Variants in DENND4A observed in about 807,000 individuals in gnomAD.
The protein encoded by DENND4A is DENN domain containing 4A.
DENND4A carries 70 observed loss-of-function variants against 199.3 expected under a neutral mutation model. That is an observed-to-expected ratio of 0.35 (90% confidence interval 0.29 to 0.43). The LOEUF (loss-of-function observed/expected upper bound fraction) is 0.43, where lower values mean the gene tolerates loss of function less well. Ranked by LOEUF, DENND4A falls within the 20% of genes least tolerant of loss-of-function variation. DENND4A has a pLI of 1.00. For synonymous variants in DENND4A, 686 were observed against 766.9 expected (o/e 0.89, Z 1.74); for missense variants, 1,723 against 2,255.8 (o/e 0.76, Z 4.78).
At position 65,691,230 on chromosome 15, in the gene DENND4A, T is replaced by C. The variant is rs368421961; in HGVS notation, c.3364A>G (p.Asn1122Asp). 79 of 1,613,260 alleles carry C rather than the reference T, an allele frequency of 4.9e-5. No homozygotes were observed. The highest frequency in any genetic ancestry group is 6.5e-5 in the Non-Finnish European group (77 of 1,179,640). ...GGTGGCTTCCCAATATCAAGAGTAT[T>C]TGGTCTCGTGCTTTTTGAGATAACA... ...SNVISKSTRP[N>D]TLDIGKPPLR... The change falls in exon 23 of 33, where the codon AAT becomes GAT. Residue 1122 changes from asparagine (N) to aspartate (D), a missense_variant. This residue lies in a region of DENND4A where 650 missense variants were observed against 738.1 expected (regional missense o/e 0.88). Transcript: ENST00000443035.
chr15:65,688,493 C>T (rs1340915705), intron 23 of DENND4A, among the ~76,000 whole-genome samples: 1 of 152,188 alleles, frequency 6.6e-6, no homozygotes, highest in Non-Finnish European at 1.5e-5. Flanking sequence ...GCTCTTGTTT[C>T]AGCAGGCAAA....
chr15:65,715,634 A>T lies in DENND4A; in HGVS notation c.1808-11T>A, dbSNP rs28687655. ...GGCTTCTTAAGAAAGCTGTTCAACA[A>T]AAATATATAATGTCAGAATACATAA... On this transcript the variant is annotated splice_polypyrimidine_tract_variant and intron_variant, in intron 13 of 32. Coordinates refer to ENST00000443035, the MANE Select transcript of DENND4A (RefSeq NM_001320835.1). The T allele has an allele frequency of 0.28, 425,410 of 1,528,982 alleles. 67,008 individuals carry two copies. Among genetic ancestry groups the T allele is most frequent in the East Asian group, 0.75 (30,550 of 40,658 alleles). The allele number at this position is 1,528,982 out of a possible 1,614,324, so 94.7% of individuals were successfully genotyped here.
intron 23 of DENND4A, among the ~76,000 whole-genome samples, chr15:65,678,280 T>C (rs530664536): frequency 2.0e-5 from 3 of 152,356 alleles, no homozygotes; most frequent in East Asian, 3.9e-4. Context: ...ATCTTCTCTA[T>C]CAATTTTAAA....
In DENND4A at chr15:65,660,410, C is replaced by A; in HGVS notation, c.*1441G>T. ...ATACCTCCAGTCCAAGTGTCGTGGA[C>A]TCTACTGGCTTTATACACCTAATTT... On this transcript the variant is annotated 3_prime_UTR_variant, in exon 33 of 33. Transcript: ENST00000443035. The A allele has an allele frequency of 1.0e-6, 1 of 980,754 alleles. No homozygotes were observed. The highest frequency in any genetic ancestry group is 1.5e-6 in the Non-Finnish European group (1 of 656,434). The allele number at this position is 980,754 out of a possible 1,614,324, so 60.8% of individuals were successfully genotyped here. A position where few individuals can be genotyped will look rare whatever the true frequency, so the allele number is the denominator to read the frequency against.
At chr15:65,736,257 T>A (rs967570588) in intron 7 of DENND4A, among the ~76,000 whole-genome samples, 1 of 152,034 alleles carries the variant, frequency 6.6e-6, no homozygotes, top group African/African-American at 2.4e-5. Context: ...CAATAGATTT[T>A]TTTATTTTTT....
chr15:65,669,840 T>G lies in DENND4A; in HGVS notation c.4726A>C (p.Thr1576Pro), dbSNP rs768244115. 5 of 1,613,854 alleles carry G rather than the reference T, an allele frequency of 3.1e-6. No individual in the cohort carries two copies. Among genetic ancestry groups the G allele is most frequent in the Non-Finnish European group, 4.2e-6 (5 of 1,179,780 alleles). The change falls in exon 27 of 33, where the codon ACA becomes CCA. Residue 1576 changes from threonine (T) to proline (P), a missense_variant. Physicochemically the swap from Thr to Pro is conservative, Grantham distance 38. Transcript: ENST00000443035. ...SSQTRQSCISTSASGLDTSAL... is the reference protein window; with the variant it reads ...SSQTRQSCISPSASGLDTSAL... ...GATGTGTCAAGACCAGAGGCTGATG[T>G]TGAAATGCAAGACTGCCTCGTCTGA...
intron 6 of DENND4A, among the ~76,000 whole-genome samples, 169 bp downstream of exon 6, chr15:65,738,537 G>T (rs1056980858): frequency 1.3e-5 from 2 of 152,136 alleles, no homozygotes; most frequent in Non-Finnish European, 2.9e-5. Flanking sequence ...GGATGGGACA[G>T]AATAAAAATT....
Position 65,691,486 on chromosome 15 carries a change from T to C in DENND4A, c.3108A>G (p.Ile1036Met), listed in dbSNP as rs1167844242. 3.7e-6 allele frequency: 6 copies of C among 1,609,250 alleles called. No individual in the cohort carries two copies. The highest frequency in any genetic ancestry group is 5.1e-6 in the Non-Finnish European group (6 of 1,177,540). ...TTTCATTTGTATCTTCAAGAGATGA[T>C]ATTAAGAGCAGCTCAGGTGTGCTTT... is the stretch of plus-strand genomic sequence containing the variant. ...SMESTPELLLISSLEDTNETR... is the reference protein window; with the variant it reads ...SMESTPELLLMSSLEDTNETR... The change falls in exon 23 of 33, where the codon ATA (isoleucine) becomes ATG (methionine). Residue 1036 changes from isoleucine (I) to methionine (M), a missense_variant. Physicochemically the swap from Ile to Met is conservative, Grantham distance 10. This residue lies in a region of DENND4A where 650 missense variants were observed against 738.1 expected (regional missense o/e 0.88). Coordinates refer to ENST00000443035, the MANE Select transcript of DENND4A (RefSeq NM_001320835.1).
intron 7 of DENND4A, among the ~76,000 whole-genome samples, chr15:65,736,410 C>G (rs1247905709): frequency 6.6e-6 from 1 of 151,070 alleles, no homozygotes. Context: ...CAGGTGCCCA[C>G]AACCACAGCT....
Position 65,691,082 on chromosome 15 carries a change from T to C in DENND4A, c.3512A>G (p.Asp1171Gly), listed in dbSNP as rs2076953673. Reference sequence around the variant, plus strand: ...TGCTTTTGATACATCTGTTTCACTGTCTAAGTCTTCTAAGTCAAAAATAAC... The same window carrying C: ...TGCTTTTGATACATCTGTTTCACTGCCTAAGTCTTCTAAGTCAAAAATAAC... ...SPVIFDLEDLDSETDVSKAGC... is the reference protein window; with the variant it reads ...SPVIFDLEDLGSETDVSKAGC... The change falls in exon 23 of 33, where the codon GAC becomes GGC. Residue 1171 changes from aspartate (D) to glycine (G), a missense_variant. By Grantham distance (94) the Asp-to-Gly change is moderately conservative. Transcript: ENST00000443035. 1 of 1,613,096 alleles carries C rather than the reference T, an allele frequency of 6.2e-7. No homozygotes were observed. Among genetic ancestry groups the C allele is most frequent in the Non-Finnish European group, 8.5e-7 (1 of 1,179,560 alleles).
intron 1 of DENND4A, among the ~76,000 whole-genome samples, chr15:65,775,634 C>T: frequency 1.4e-5 from 1 of 72,890 alleles, no homozygotes; most frequent in African/African-American, 7.8e-5. Context: ...GTGCAAGACT[C>T]CTCAAAAAAA....
intron 5 of DENND4A, 118 bp from the exon 6 acceptor site, chr15:65,738,993 A>G: frequency 1.4e-6 from 1 of 716,040 alleles, no homozygotes; most frequent in African/African-American, 1.8e-5. Context: ...CATTATATAT[A>G]TGTTCATCAA....
At chr15:65,728,443 C>A (rs1381765211) in intron 11 of DENND4A, among the ~76,000 whole-genome samples, 1 of 151,492 alleles carries the variant, frequency 6.6e-6, no homozygotes, top group Admixed American at 6.6e-5. Context: ...TATTTCTAAC[C>A]TCAATTTCCC....
intron 13 of DENND4A, 106 bp from the exon 14 acceptor site, chr15:65,715,729 A>AC: frequency 9.5e-7 from 1 of 1,057,826 alleles, no homozygotes; most frequent in African/African-American, 1.6e-5. Context: ...TATACCTCCC[A>AC]CACCACTACC....
intron 32 of DENND4A, among the ~76,000 whole-genome samples, chr15:65,663,359 G>A (rs959577240): frequency 2.0e-5 from 3 of 151,392 alleles, no homozygotes; most frequent in Admixed American, 6.6e-5. Context: ...ACAGGCATGC[G>A]CCACCACGCC....
Position 65,720,961 on chromosome 15 carries a change from A to C in DENND4A, c.1588+1887T>G, listed in dbSNP as rs751652744. On this transcript the variant is annotated intron_variant, in intron 12 of 32. Coordinates refer to ENST00000443035, the MANE Select transcript of DENND4A (RefSeq NM_001320835.1). ...TGTTTCATTGATTATATATATATATATATATATATATATATATATATTTGT... is the reference window on the plus strand; with the variant it reads ...TGTTTCATTGATTATATATATATATCTATATATATATATATATATATTTGT... 6.6e-3 allele frequency among the ~76,000 whole-genome samples: 407 copies of C among 61,730 alleles called. 27 individuals carry two copies. The highest frequency in any genetic ancestry group is 0.021 in the Middle Eastern group (3 of 144). 40.5% of individuals were successfully genotyped at this position (61,730 alleles called of 152,430 possible).
chr15:65,718,426 A>T (rs182421108), intron 12 of DENND4A, among the ~76,000 whole-genome samples: 1 of 152,142 alleles, frequency 6.6e-6, no homozygotes, highest in Non-Finnish European at 1.5e-5. Context: ...AAGGCAATAG[A>T]ATATAAGAAA....
At chr15:65,709,882 T>C (rs1447949151) in intron 14 of DENND4A, among the ~76,000 whole-genome samples, 1 of 151,676 alleles carries the variant, frequency 6.6e-6, no homozygotes, top group African/African-American at 2.4e-5. Flanking sequence ...TGTTAATTCA[T>C]ATATATAAGT....
intron 12 of DENND4A, chr15:65,719,171 T>G (rs1046881948): frequency 6.6e-6 from 1 of 152,064 alleles, no homozygotes; most frequent in Non-Finnish European, 1.5e-5. Context: ...CATATATATG[T>G]CTTTTTCAAA....
Sources: allele counts gnomAD v4.1 joint callset (sites outside exome capture counted in the v4.1 genomes callset), GRCh38; gene constraint gnomAD v4.1.1; regional missense constraint gnomAD v4.1.1; transcripts MANE v1.5; gene names NCBI Gene and HGNC (gene_info 2026-07-23, HGNC 2026-07-21).